Variants in PPM1N observed in about 807,000 individuals in gnomAD.
PPM1N encodes probable protein phosphatase 1N.
A neutral mutation model predicts 32.6 loss-of-function variants in PPM1N; 35 were observed. That is an observed-to-expected ratio of 1.07 (90% CI 0.82 to 1.43). PPM1N has a LOEUF of 1.43. Ranked by LOEUF, PPM1N falls within the 40% of genes most tolerant of loss-of-function variation. The probability of loss-of-function intolerance (pLI) is 0.00; values close to 1 mark genes in which losing one functional copy is unlikely to be tolerated. For missense variants in PPM1N, 648 were observed against 606.6 expected, an observed-to-expected ratio of 1.07 and a Z score of -0.72; for synonymous variants, 275 against 270.5, an observed-to-expected ratio of 1.02 and a Z score of -0.16.
In PPM1N at chr19:45,502,245, GAA is replaced by G. The variant is rs769988231; in HGVS notation, c.*163_*164del. The stretch of plus-strand genomic sequence containing the variant: ...CTTCTTCTCTTACTTCCCTCTCACA[GAA>G]AAGTCTTACGAATGGGGAAATTCCA... On this transcript the variant is annotated 3_prime_UTR_variant, in exon 5 of 5. Coordinates refer to ENST00000451287, the MANE Select transcript of PPM1N (RefSeq NM_001080401.2). 3.0e-6 allele frequency: 1 copy of G among 336,284 alleles called. No homozygotes were observed. The highest frequency in any genetic ancestry group is 1.9e-4 in the East Asian group (1 of 5,270). 20.8% of individuals were successfully genotyped at this position (336,284 alleles called of 1,614,324 possible). A position where few individuals can be genotyped will look rare whatever the true frequency, so the allele number is the denominator to read the frequency against.
Position 45,500,022 on chromosome 19 carries a change from G to C in PPM1N, c.1013G>C (p.Arg338Thr). The change falls in exon 2 of 5, where the codon AGG becomes ACG. Residue 338 changes from arginine to threonine, a missense_variant. Physicochemically the swap from Arg to Thr is moderately conservative, Grantham distance 71. Coordinates refer to ENST00000451287, the MANE Select transcript of PPM1N (RefSeq NM_001080401.2). The stretch of plus-strand genomic sequence containing the variant: ...CCTAGGCCTTCTGAGGAGGCGATCA[G>C]GAGGGAGCTAGCACTGGACGCAGCC... The part of the protein sequence containing the change: ...GAPRPSEEAI[R>T]RELALDAALG... 1 of 1,603,566 alleles carries C rather than the reference G, an allele frequency of 6.2e-7. No individual in the cohort carries two copies. Among genetic ancestry groups the C allele is most frequent in the Non-Finnish European group, 8.5e-7 (1 of 1,174,716 alleles).
intron 4 of PPM1N, among the ~76,000 whole-genome samples, chr19:45,501,778 C>A (rs894318193): frequency 6.6e-6 from 1 of 152,138 alleles, no homozygotes; most frequent in Admixed American, 6.6e-5. Context: ...TTGCCAATTT[C>A]CCCGGAGTTG....
chr19:45,498,675 G>A lies in PPM1N; in HGVS notation c.203G>A (p.Gly68Glu), dbSNP rs773921468. 2 of 1,446,278 alleles carry A rather than the reference G, an allele frequency of 1.4e-6. No individual in the cohort carries two copies. Among genetic ancestry groups the A allele is most frequent in the Admixed American group, 5.9e-5 (2 of 33,710 alleles). 89.6% of individuals were successfully genotyped at this position (1,446,278 alleles called of 1,614,324 possible). A position where few individuals can be genotyped will look rare whatever the true frequency, so the allele number is the denominator to read the frequency against. ...GAEASGGLRF[G>E]ASAAQGWRAR... ...GAGGCGTCTGGGGGCCTGCGCTTCG[G>A]GGCGAGCGCAGCGCAAGGCTGGCGC... The change falls in exon 1 of 5, where the codon GGG (glycine) becomes GAG (glutamate). Residue 68 changes from glycine (G) to glutamate (E), a missense_variant. Gly to Glu is a moderately conservative substitution (Grantham distance 98). Coordinates refer to ENST00000451287, the MANE Select transcript of PPM1N (RefSeq NM_001080401.2).
chr19:45,502,443 G>A lies in PPM1N; in HGVS notation c.*358G>A, dbSNP rs1968434179. On this transcript the variant is annotated 3_prime_UTR_variant, in exon 5 of 5. Transcript: ENST00000451287. The stretch of plus-strand genomic sequence containing the variant: ...TCTTATTACTCATCTGTTTTTGAGG[G>A]GAAGTAGAGTTTTGATTATTAAACT... The A allele has an allele frequency of 4.4e-6, 2 of 455,260 alleles. No homozygotes were observed. Among genetic ancestry groups the A allele is most frequent in the Non-Finnish European group, 3.8e-6 (1 of 262,242 alleles). The allele number at this position is 455,260 out of a possible 1,614,324, so 28.2% of individuals were successfully genotyped here.
At position 45,499,366 on chromosome 19, in the gene PPM1N, C is replaced by G; in HGVS notation, c.894C>G (p.Ala298=). 1 of 1,609,292 alleles carries G rather than the reference C, an allele frequency of 6.2e-7. No homozygotes were observed. Among genetic ancestry groups the G allele is most frequent in the Non-Finnish European group, 8.5e-7 (1 of 1,178,344 alleles). The change falls in exon 1 of 5, where the codon GCC becomes GCG. Residue 298 remains alanine (A), a synonymous_variant. Coordinates refer to ENST00000451287, the MANE Select transcript of PPM1N (RefSeq NM_001080401.2). The part of the protein sequence containing the change: ...LVASRLRLGL[A]PELLCAQLLD... ...CTTCACGCCTCCGCTTGGGCCTGGCCCCAGAGCTTCTCTGCGCGCAGCTGT... is the reference window on the plus strand; with the variant it reads ...CTTCACGCCTCCGCTTGGGCCTGGCGCCAGAGCTTCTCTGCGCGCAGCTGT...
chr19:45,501,875 T>C (rs1020292510), intron 4 of PPM1N, 142 bp from the exon 5 acceptor site: 4 of 492,482 alleles, frequency 8.1e-6, no homozygotes, highest in Non-Finnish European at 7.0e-6. Flanking sequence ...CAGGCTGGGG[T>C]CGCACTTGGG....
intron 2 of PPM1N, 39 bp from the exon 3 acceptor site, chr19:45,500,417 G>T: frequency 6.5e-7 from 1 of 1,542,766 alleles, no homozygotes; most frequent in Non-Finnish European, 8.8e-7. Context: ...TTACAGGCGT[G>T]CGCCACTGTG....
chr19:45,501,084 G>A (rs913346006), intron 4 of PPM1N, among the ~76,000 whole-genome samples: 6 of 152,088 alleles, frequency 3.9e-5, no homozygotes, highest in Non-Finnish European at 8.8e-5. Flanking sequence ...GGAGGGAGAC[G>A]CAGATGCAGA....
At chr19:45,499,838 GA>G in intron 1 of PPM1N, 110 bp from the exon 2 acceptor site, 1 of 1,499,284 alleles carries the variant, frequency 6.7e-7, no homozygotes, top group Non-Finnish European at 8.9e-7. Flanking sequence ...GGTGGGACGC[GA>G]AAGAAATGGG....
In PPM1N at chr19:45,500,645, T is replaced by C; in HGVS notation, c.1164-5T>C. 1 of 1,601,506 alleles carries C rather than the reference T, an allele frequency of 6.2e-7. No individual in the cohort carries two copies. The highest frequency in any genetic ancestry group is 8.5e-7 in the Non-Finnish European group (1 of 1,174,138). Reference sequence around the variant, plus strand: ...CCCTCCTGAGGGCCTTCCTGTGCTCTCCAGGGCCACTGTCATTGCTGAAGT... The same window carrying C: ...CCCTCCTGAGGGCCTTCCTGTGCTCCCCAGGGCCACTGTCATTGCTGAAGT... On this transcript the variant is annotated splice_polypyrimidine_tract_variant and splice_region_variant and intron_variant, in intron 3 of 4. Coordinates refer to ENST00000451287, the MANE Select transcript of PPM1N (RefSeq NM_001080401.2).
At chr19:45,500,805 A>G in intron 4 of PPM1N, 95 bp downstream of exon 4, 1 of 920,210 alleles carries the variant, frequency 1.1e-6, no homozygotes, top group Non-Finnish European at 1.7e-6. Context: ...AGTGAGGATA[A>G]GGGATTTGCC....
intron 1 of PPM1N, 105 bp downstream of exon 1, chr19:45,499,516 A>C (rs1341440314): frequency 6.4e-7 from 1 of 1,561,468 alleles, no homozygotes; most frequent in Non-Finnish European, 8.7e-7. Flanking sequence ...GAGTAAAGCT[A>C]GCAAAGGAGG....
At position 45,499,067 on chromosome 19, in the gene PPM1N, G is replaced by T; in HGVS notation, c.595G>T (p.Asp199Tyr). The T allele has an allele frequency of 6.6e-7, 1 of 1,525,974 alleles. No individual in the cohort carries two copies. Among genetic ancestry groups the T allele is most frequent in the South Asian group, 1.2e-5 (1 of 80,824 alleles). The allele number at this position is 1,525,974 out of a possible 1,614,324, so 94.5% of individuals were successfully genotyped here. ...RAGAVAFSTEDHRPLRPRERE... is the reference protein window; with the variant it reads ...RAGAVAFSTEYHRPLRPRERE... ...TGGCGCCGTGGCCTTCAGCACAGAGGACCACCGGCCCCTTCGACCCCGGGA... is the reference window on the plus strand; with the variant it reads ...TGGCGCCGTGGCCTTCAGCACAGAGTACCACCGGCCCCTTCGACCCCGGGA... Residue 199 changes from aspartate to tyrosine, a missense_variant, in exon 1 of 5, where the codon GAC (aspartate) becomes TAC (tyrosine). Transcript: ENST00000451287.
rs766162191 is a variant in PPM1N at position 45,500,490 on chromosome 19, G to A, written c.1092G>A (p.Leu364=). The A allele has an allele frequency of 1.7e-5, 28 of 1,610,872 alleles. 1 individual carries two copies. The South Asian group carries it at 3.1e-4, about 18-fold the overall frequency. The change falls in exon 3 of 5, where the codon CTG becomes CTA. Residue 364 remains leucine, a synonymous_variant. Coordinates refer to ENST00000451287, the MANE Select transcript of PPM1N (RefSeq NM_001080401.2). ...LCASAQKPPS[L]NTVFRTLASE... ...CCTCTGCTCAGAAGCCCCCCAGCCT[G>A]AACACAGTTTTCAGGACTCTGGCCT...
chr19:45,498,905 T>C lies in PPM1N; in HGVS notation c.433T>C (p.Leu145=), dbSNP rs777378003. Residue 145 remains leucine, a synonymous_variant, in exon 1 of 5, where the codon TTG becomes CTG. Transcript: ENST00000451287. ...GCGCGAGGCGCTGCGCCGAGCCTTCTTGAGCGCCGACGAGCGCCTGCGCTC... is the reference window on the plus strand; with the variant it reads ...GCGCGAGGCGCTGCGCCGAGCCTTCCTGAGCGCCGACGAGCGCCTGCGCTC... ...GVREALRRAF[L]SADERLRSLW... The C allele has an allele frequency of 4.6e-6, 7 of 1,526,298 alleles. No individual in the cohort carries two copies. The highest frequency in any genetic ancestry group is 6.1e-6 in the Non-Finnish European group (7 of 1,146,310). 94.5% of individuals were successfully genotyped at this position (1,526,298 alleles called of 1,614,324 possible). A position where few individuals can be genotyped will look rare whatever the true frequency, so the allele number is the denominator to read the frequency against.
rs1156267927 is a variant in PPM1N, at chr19:45,500,557, T to G, written c.1159T>G (p.Cys387Gly). ...TTTACCTCCTGGGGGAGGGCTGGACTGCAAGTGAGTTGGGGTGAGGAAGGG... is the reference window on the plus strand; with the variant it reads ...TTTACCTCCTGGGGGAGGGCTGGACGGCAAGTGAGTTGGGGTGAGGAAGGG... Reference protein sequence around the residue: ...PDLPPGGGLDCKATVIAEVYS... With the variant: ...PDLPPGGGLDGKATVIAEVYS... The change falls in exon 3 of 5, where the codon TGC becomes GGC. Residue 387 changes from cysteine (C) to glycine (G), a missense_variant. Physicochemically the swap from Cys to Gly is radical, Grantham distance 159. Transcript: ENST00000451287. 8 of 1,603,698 alleles carry G rather than the reference T, an allele frequency of 5.0e-6. No individual in the cohort carries two copies. The highest frequency in any genetic ancestry group is 6.8e-6 in the Non-Finnish European group (8 of 1,173,960).
rs1310575607 is a variant in PPM1N at position 45,498,477 on chromosome 19, C to T, written c.5C>T (p.Ala2Val). 1.3e-5 allele frequency: 18 copies of T among 1,348,934 alleles called. No individual in the cohort carries two copies. The highest frequency in any genetic ancestry group is 5.8e-5 in the South Asian group (3 of 51,586). The allele number at this position is 1,348,934 out of a possible 1,614,324, so 83.6% of individuals were successfully genotyped here. The change falls in exon 1 of 5, where the codon GCG (alanine) becomes GTG (valine). Residue 2 changes from alanine to valine, a missense_variant. Transcript: ENST00000451287. M[A>V]VLARQLQRLL... Reference sequence around the variant, plus strand: ...TCCTGATCCCAGGGCTGAAGGATGGCGGTCCTGGCCCGCCAGCTGCAGCGT... The same window carrying T: ...TCCTGATCCCAGGGCTGAAGGATGGTGGTCCTGGCCCGCCAGCTGCAGCGT...
rs1171988459 is a variant in PPM1N at position 45,499,064 on chromosome 19, G to A, written c.592G>A (p.Glu198Lys). ...CGCTGGCGCCGTGGCCTTCAGCACA[G>A]AGGACCACCGGCCCCTTCGACCCCG... ...SRAGAVAFST[E>K]DHRPLRPRER... Residue 198 changes from glutamate (E) to lysine (K), a missense_variant, in exon 1 of 5, where the codon GAG becomes AAG. Transcript: ENST00000451287. 1.3e-6 allele frequency: 2 copies of A among 1,526,628 alleles called. No homozygotes were observed. Among genetic ancestry groups the A allele is most frequent in the Non-Finnish European group, 1.7e-6 (2 of 1,147,504 alleles). 94.6% of individuals were successfully genotyped at this position (1,526,628 alleles called of 1,614,324 possible). A position where few individuals can be genotyped will look rare whatever the true frequency, so the allele number is the denominator to read the frequency against.
intron 1 of PPM1N, 200 bp downstream of exon 1, chr19:45,499,611 GGAGA>G (rs764351188): frequency 9.0e-6 from 14 of 1,549,484 alleles, no homozygotes; most frequent in Admixed American, 2.0e-5. Flanking sequence ...TTGAGGCACG[GGAGA>G]GTTAGTGGAA....
Sources: gnomAD v4.1 joint callset for allele counts (sites outside exome capture counted in the v4.1 genomes callset) on GRCh38, gnomAD v4.1.1 for gene constraint, MANE v1.5 for transcripts, NCBI Gene and HGNC (gene_info 2026-07-23, HGNC 2026-07-21) for gene names.